The following TCEA2 variants were observed in gnomAD, a reference collection of about 807,000 sequenced individuals.
The protein encoded by TCEA2 is transcription elongation factor A protein 2.
TCEA2 carries 21 observed loss-of-function variants against 40.8 expected under a neutral mutation model. That is an observed-to-expected ratio of 0.51 (90% CI 0.36 to 0.74). The LOEUF is 0.74. Among genes scored for constraint, TCEA2 ranks in the 30% least tolerant of loss-of-function variants. TCEA2 has a pLI of 0.00. For missense variants in TCEA2, 326 were observed against 426.5 expected, an observed-to-expected ratio of 0.76 and a Z score of 2.08; for synonymous variants, 165 against 162.7, an observed-to-expected ratio of 1.01 and a Z score of -0.11.
intron 9 of TCEA2, 52 bp downstream of exon 9, chr20:64,071,993 G>A (rs1222436011): frequency 6.2e-7 from 1 of 1,611,138 alleles, no homozygotes; most frequent in East Asian, 2.2e-5. Context: ...CTGGAGGTGG[G>A]GTGTCTCAGC....
chr20:64,058,358 T>A (rs1218440972), upstream of TCEA2, among the ~76,000 whole-genome samples: 1 of 152,212 alleles, frequency 6.6e-6, no homozygotes, highest in East Asian at 1.9e-4. This position sits in a 1 kb window ranked among gnomAD's most constrained non-coding sequence, Gnocchi z 6.7. Context: ...CTGCCAGCCG[T>A]TGTCCTTAAG....
chr20:64,063,690 C>T, intron 1 of TCEA2: 2 of 433,200 alleles, frequency 4.6e-6, no homozygotes, highest in South Asian at 5.8e-5. Flanking sequence ...CCGCACCCTT[C>T]CCTGTCCCTT....
At chr20:64,056,469 AG>A (rs1422218274), upstream of TCEA2, among the ~76,000 whole-genome samples, 2 of 151,838 alleles carry the variant, frequency 1.3e-5, no homozygotes, top group East Asian at 3.9e-4. Context: ...TCTGATGGAA[AG>A]GGGCGCAGAG....
Position 64,069,431 on chromosome 20 carries a change from A to G in TCEA2, c.400A>G (p.Thr134Ala). ...RITTFPPVPV[T>A]CDAVRNKCRE... The stretch of plus-strand genomic sequence containing the variant: ...CACCACATTTCCTCCGGTGCCTGTC[A>G]CCTGTGATGCCGTGCGCAACAAGTG... Residue 134 changes from threonine to alanine, a missense_variant, in exon 5 of 10, where the codon ACC (threonine) becomes GCC (alanine). Transcript: ENST00000343484. 6.2e-7 allele frequency: 1 copy of G among 1,613,292 alleles called. No homozygotes were observed. The highest frequency in any genetic ancestry group is 1.1e-5 in the South Asian group (1 of 91,022).
At chr20:64,071,778 G>C in intron 8 of TCEA2, 92 bp from the exon 9 acceptor site, 1 of 1,476,390 alleles carries the variant, frequency 6.8e-7, no homozygotes, top group South Asian at 1.3e-5. Flanking sequence ...TGGGAGCTCA[G>C]TGGCTGCGAG....
intron 3 of TCEA2, 90 bp downstream of exon 3, chr20:64,067,110 G>A: frequency 1.5e-6 from 2 of 1,337,046 alleles, no homozygotes; most frequent in Non-Finnish European, 1.0e-6. Flanking sequence ...AGTGCTGGCA[G>A]TGTCCACCCT....
At chr20:64,069,013 G>C (rs1366293569) in intron 4 of TCEA2, among the ~76,000 whole-genome samples, 1 of 152,260 alleles carries the variant, frequency 6.6e-6, no homozygotes, top group South Asian at 2.1e-4. Context: ...GGCCCAGTGG[G>C]TGGGCACCCC....
upstream of TCEA2, chr20:64,062,983 G>A (rs757632670): frequency 1.8e-4 from 34 of 184,882 alleles, no homozygotes; most frequent in Non-Finnish European, 3.3e-4. Context: ...CGTGCCCGGG[G>A]CGCCTCCCTC....
upstream of TCEA2, among the ~76,000 whole-genome samples, chr20:64,060,856 C>T (rs1245187993): frequency 6.6e-6 from 1 of 151,852 alleles, no homozygotes; most frequent in Non-Finnish European, 1.5e-5. Flanking sequence ...GTGGCATGAT[C>T]TCGGCTCACT....
At chr20:64,059,275 C>CT (rs1269043412), upstream of TCEA2, among the ~76,000 whole-genome samples, 7 of 151,796 alleles carry the variant, frequency 4.6e-5, no homozygotes, top group African/African-American at 1.7e-4. Flanking sequence ...CTCTGGGTCT[C>CT]TGACCCCCTG....
Position 64,072,230 on chromosome 20 carries a change from T to G in TCEA2, c.*50T>G, listed in dbSNP as rs2059856546. Reference sequence around the variant, plus strand: ...CTTGGGCCCTCCCCGGCCCACGTCCTCCGTTGACACAGCTTCTCTGGAGAC... The same window carrying G: ...CTTGGGCCCTCCCCGGCCCACGTCCGCCGTTGACACAGCTTCTCTGGAGAC... On this transcript the variant is annotated 3_prime_UTR_variant, in exon 10 of 10. Transcript: ENST00000343484. 6.3e-7 allele frequency: 1 copy of G among 1,594,698 alleles called. No homozygotes were observed. Among genetic ancestry groups the G allele is most frequent in the South Asian group, 1.1e-5 (1 of 90,216 alleles).
At chr20:64,056,430 C>T (rs573277743), upstream of TCEA2, among the ~76,000 whole-genome samples, 3 of 152,070 alleles carry the variant, frequency 2.0e-5, no homozygotes, top group East Asian at 1.9e-4. Flanking sequence ...GGTCACAGCT[C>T]GGCAGAGCCC....
rs1297011239 is a variant in TCEA2, at chr20:64,071,909, G to A, written c.859G>A (p.Val287Ile). 1.2e-6 allele frequency: 2 copies of A among 1,614,146 alleles called. No homozygotes were observed. Among genetic ancestry groups the A allele is most frequent in the Middle Eastern group, 1.7e-4 (1 of 6,060 alleles). Residue 287 changes from valine to isoleucine, a missense_variant, in exon 9 of 10, where the codon GTT becomes ATT. By Grantham distance (29) the Val-to-Ile change is conservative. Coordinates refer to ENST00000343484, the MANE Select transcript of TCEA2 (RefSeq NM_003195.6). ...CTCTGATGAGCCCATGACCACCTTT[G>A]TTGTCTGCAACGAGTGTGGAAACCG... is the stretch of plus-strand genomic sequence containing the variant. ...RSSDEPMTTF[V>I]VCNECGNRWK...
intron 3 of TCEA2, among the ~76,000 whole-genome samples, chr20:64,067,561 A>T (rs757203842): frequency 2.0e-5 from 3 of 152,098 alleles, no homozygotes; most frequent in Admixed American, 6.5e-5. Flanking sequence ...GCTGTCTGGG[A>T]TGGAGGCAAC....
At chr20:64,061,033 T>C (rs183203819), upstream of TCEA2, among the ~76,000 whole-genome samples, 5 of 148,778 alleles carry the variant, frequency 3.4e-5, no homozygotes, top group Admixed American at 3.4e-4. Context: ...ACTCCTGAGC[T>C]CAGGCAGTCC....
At chr20:64,061,119 T>TTG (rs1207851552), upstream of TCEA2, among the ~76,000 whole-genome samples, 1 of 144,516 alleles carries the variant, frequency 6.9e-6, no homozygotes, top group Admixed American at 6.9e-5. Context: ...TTTTTTTTTT[T>TTG]GGAGACAGTC....
upstream of TCEA2, among the ~76,000 whole-genome samples, chr20:64,059,734 G>A (rs1018401830): frequency 1.4e-4 from 21 of 152,154 alleles, no homozygotes; most frequent in Admixed American, 9.2e-4. Flanking sequence ...AAGAGTTACC[G>A]TGCTAGGGGA....
chr20:64,061,677 G>A (rs1462150381), upstream of TCEA2, among the ~76,000 whole-genome samples: 4 of 151,358 alleles, frequency 2.6e-5, no homozygotes, highest in African/African-American at 9.7e-5. Flanking sequence ...TCCCAAAGTG[G>A]TGGGATTACA....
At chr20:64,069,590 G>A (rs1264145414) in intron 5 of TCEA2, 99 bp downstream of exon 5, 3 of 1,554,156 alleles carry the variant, frequency 1.9e-6, no homozygotes, top group African/African-American at 2.7e-5. Flanking sequence ...CGGGGTGACT[G>A]TCCTCCCCCA....
Sources: allele counts gnomAD v4.1 joint callset (sites outside exome capture counted in the v4.1 genomes callset), GRCh38; gene constraint gnomAD v4.1.1; non-coding constraint Gnocchi (gnomAD v3.1); transcripts MANE v1.5; gene names NCBI Gene and HGNC (gene_info 2026-07-23, HGNC 2026-07-21).